Variants in PLCL2 observed in about 807,000 individuals in gnomAD.
PLCL2 encodes inactive phospholipase C-like protein 2.
In PLCL2, 4 loss-of-function variants were observed where a neutral mutation model predicts 79.6. The observed-to-expected ratio is 0.05, with a 90% CI of 0.02 to 0.11. The LOEUF (loss-of-function observed/expected upper bound fraction) is 0.11, where lower values mean the gene tolerates loss of function less well. PLCL2 is among the 10% of genes least tolerant of loss of function. PLCL2 has a pLI of 1.00. For missense variants in PLCL2, 895 were observed against 1,291.0 expected, an observed-to-expected ratio of 0.69 and a Z score of 4.70; for synonymous variants, 484 against 457.7, an observed-to-expected ratio of 1.06 and a Z score of -0.73.
At chr3:17,057,299 A>C (rs956373359) in intron 4 of PLCL2, among the ~76,000 whole-genome samples, 2 of 152,172 alleles carry the variant, frequency 1.3e-5, no homozygotes, top group African/African-American at 4.8e-5. Context: ...TTTGGTGATA[A>C]AGCCCTTGTC....
intron 1 of PLCL2, among the ~76,000 whole-genome samples, chr3:16,923,489 C>T (rs188858843): frequency 1.2e-4 from 18 of 152,294 alleles, no homozygotes; most frequent in Admixed American, 3.9e-4. Flanking sequence ...TTTAGCACAG[C>T]GCCCACCTCT....
chr3:17,085,886 C>G (rs2065215024), intron 5 of PLCL2, among the ~76,000 whole-genome samples: 1 of 152,138 alleles, frequency 6.6e-6, no homozygotes, highest in Admixed American at 6.5e-5. Context: ...ATGAGGAAAA[C>G]TATAAAACTC....
chr3:17,089,316 A>G (rs938047207), intron 5 of PLCL2, among the ~76,000 whole-genome samples: 2 of 152,222 alleles, frequency 1.3e-5, no homozygotes, highest in Non-Finnish European at 2.9e-5. Flanking sequence ...GAAAGGGTAT[A>G]CAAGACCTCT....
chr3:17,013,869 T>G (rs1559519432), intron 2 of PLCL2, among the ~76,000 whole-genome samples: 1 of 152,222 alleles, frequency 6.6e-6, no homozygotes, highest in Non-Finnish European at 1.5e-5. Context: ...TCTTGACTCC[T>G]TCACTTACTA....
chr3:17,003,822 G>T (rs181197084), intron 1 of PLCL2, among the ~76,000 whole-genome samples: 1 of 152,112 alleles, frequency 6.6e-6, no homozygotes, highest in Non-Finnish European at 1.5e-5. Flanking sequence ...TCTTTGCCTG[G>T]TTCCAGAGGT....
chr3:17,089,739 G>T lies in PLCL2; in HGVS notation c.3211G>T (p.Ala1071Ser), dbSNP rs2065254568. ...ATTGCATGTTTTGTTATAGGGACAAGCAGATCTTTTGAAATATGCTAAGAA... is the reference window on the plus strand; with the variant it reads ...ATTGCATGTTTTGTTATAGGGACAATCAGATCTTTTGAAATATGCTAAGAA... ...TWNITILKGQ[A>S]DLLKYAKNET... The change falls in exon 6 of 6, where the codon GCA (alanine) becomes TCA (serine). Residue 1071 changes from alanine to serine, a missense_variant. This residue lies in a region of PLCL2 where 298 missense variants were observed against 459.6 expected (regional missense o/e 0.65). Coordinates refer to ENST00000615277, the MANE Select transcript of PLCL2 (RefSeq NM_001144382.2). 2.5e-6 allele frequency: 4 copies of T among 1,597,926 alleles called. No individual in the cohort carries two copies. The highest frequency in any genetic ancestry group is 3.4e-6 in the Non-Finnish European group (4 of 1,166,600).
intron 1 of PLCL2, among the ~76,000 whole-genome samples, chr3:16,924,930 TG>T (rs199895220): frequency 4.3e-4 from 65 of 151,460 alleles, no homozygotes; most frequent in Non-Finnish European, 6.5e-4. Context: ...CAAGTTTGTT[TG>T]TTTTTTTTTT....
chr3:16,951,749 CT>C (rs982456863), intron 1 of PLCL2, among the ~76,000 whole-genome samples: 11 of 151,926 alleles, frequency 7.2e-5, no homozygotes, highest in Non-Finnish European at 1.6e-4. Flanking sequence ...TTCATTTTCA[CT>C]TTTTTACTTT....
intron 4 of PLCL2, among the ~76,000 whole-genome samples, chr3:17,046,433 A>AT (rs2064781184): frequency 6.6e-6 from 1 of 152,160 alleles, no homozygotes; most frequent in Non-Finnish European, 1.5e-5. Flanking sequence ...CTGAATTGGT[A>AT]TGCTTAATAA....
At chr3:16,932,889 A>G (rs551413503) in intron 1 of PLCL2, among the ~76,000 whole-genome samples, 5 of 152,180 alleles carry the variant, frequency 3.3e-5, no homozygotes, top group Admixed American at 1.3e-4. Flanking sequence ...GTTGGAGAAG[A>G]TTTTCTTTCT....
Position 17,009,764 on chromosome 3 carries a change from A to G in PLCL2, c.418A>G (p.Ile140Val). 6.2e-7 allele frequency: 1 copy of G among 1,613,952 alleles called. No individual in the cohort carries two copies. The highest frequency in any genetic ancestry group is 8.5e-7 in the Non-Finnish European group (1 of 1,179,824). ...GAAGATCAGCAGTGCAAGTGATTGT[A>G]TTAATTCAATGGTTGAGGGTTCAGA... ...EKKISSASDCINSMVEGSELK... is the reference protein window; with the variant it reads ...EKKISSASDCVNSMVEGSELK... Residue 140 changes from isoleucine (I) to valine (V), a missense_variant, in exon 2 of 6, where the codon ATT (isoleucine) becomes GTT (valine). By Grantham distance (29) the Ile-to-Val change is conservative. Transcript: ENST00000615277. The surrounding 1 kb of genome is among the most constrained non-coding windows in gnomAD (Gnocchi z 4.0).
chr3:16,975,248 TC>T (rs2063912877), intron 1 of PLCL2, among the ~76,000 whole-genome samples: 2 of 152,118 alleles, frequency 1.3e-5, no homozygotes, highest in Admixed American at 1.3e-4. Context: ...TGGGGCCAGC[TC>T]CCCAGGGAAG....
At chr3:16,936,750 T>A (rs1479716048) in intron 1 of PLCL2, among the ~76,000 whole-genome samples, 2 of 152,154 alleles carry the variant, frequency 1.3e-5, no homozygotes, top group Non-Finnish European at 2.9e-5. Context: ...GGCTAAGCCA[T>A]ATTTTTTCAA....
In PLCL2 at chr3:17,009,640, G is replaced by A. The variant is rs1559516930; in HGVS notation, c.328-34G>A. ...CTTGAACATAGAAACCTATATTTAT[G>A]TTATTCTAATATACGGTCTTTTTTT... is the stretch of plus-strand genomic sequence containing the variant. On this transcript the variant is annotated intron_variant, in intron 1 of 5. Coordinates refer to ENST00000615277, the MANE Select transcript of PLCL2 (RefSeq NM_001144382.2). This position sits in a 1 kb window ranked among gnomAD's most constrained non-coding sequence, Gnocchi z 4.0. The A allele has an allele frequency of 8.8e-7, 1 of 1,131,826 alleles. No individual in the cohort carries two copies. The highest frequency in any genetic ancestry group is 1.6e-5 in the African/African-American group (1 of 63,596). 70.1% of individuals were successfully genotyped at this position (1,131,826 alleles called of 1,614,324 possible). A position where few individuals can be genotyped will look rare whatever the true frequency, so the allele number is the denominator to read the frequency against.
chr3:16,940,199 T>G (rs1697645875), intron 1 of PLCL2, among the ~76,000 whole-genome samples: 1 of 152,170 alleles, frequency 6.6e-6, no homozygotes, highest in African/African-American at 2.4e-5. Flanking sequence ...TCGTGCCCTT[T>G]CCCATTGTCC....
At chr3:16,943,881 C>T (rs1379362573) in intron 1 of PLCL2, among the ~76,000 whole-genome samples, 1 of 152,156 alleles carries the variant, frequency 6.6e-6, no homozygotes, top group South Asian at 2.1e-4. Context: ...ATAACTTAAT[C>T]ACCCTTTGGA....
chr3:16,943,492 T>C (rs1575543176), intron 1 of PLCL2, among the ~76,000 whole-genome samples: 1 of 152,318 alleles, frequency 6.6e-6, no homozygotes, highest in Non-Finnish European at 1.5e-5. Flanking sequence ...GCAATAACAT[T>C]ATTATTTTTC....
At chr3:16,955,240 C>T (rs969866081) in intron 1 of PLCL2, among the ~76,000 whole-genome samples, 6 of 152,224 alleles carry the variant, frequency 3.9e-5, no homozygotes, top group African/African-American at 1.4e-4. Flanking sequence ...CAGCTTTCTA[C>T]ATATGGCTAG....
rs769891597 is a variant in PLCL2 at position 16,885,274 on chromosome 3, G to T, written c.235G>T (p.Val79Phe). ...TAGCCCTACCAGGGGACCCCGCGGCGTTGCGCTCGCCCCGACCCCCAGCGC... is the reference window on the plus strand; with the variant it reads ...TAGCCCTACCAGGGGACCCCGCGGCTTTGCGCTCGCCCCGACCCCCAGCGC... The part of the protein sequence containing the change: ...RASPTRGPRG[V>F]ALAPTPSAVV... The change falls in exon 1 of 6, where the codon GTT (valine) becomes TTT (phenylalanine). Residue 79 changes from valine (V) to phenylalanine (F), a missense_variant. This residue lies in a region of PLCL2 where 110 missense variants were observed against 42.9 expected (regional missense o/e 2.56). Transcript: ENST00000615277. The T allele has an allele frequency of 1.5e-5, 10 of 664,066 alleles. No homozygotes were observed. Among genetic ancestry groups the T allele is most frequent in the South Asian group, 1.4e-4 (9 of 64,226 alleles). The allele number at this position is 664,066 out of a possible 1,614,324, so 41.1% of individuals were successfully genotyped here.
Sources: gnomAD v4.1 joint callset for allele counts (sites outside exome capture counted in the v4.1 genomes callset) on GRCh38, gnomAD v4.1.1 for gene constraint, gnomAD v4.1.1 regional missense constraint, Gnocchi (gnomAD v3.1) non-coding constraint, MANE v1.5 for transcripts, NCBI Gene and HGNC (gene_info 2026-07-23, HGNC 2026-07-21) for gene names.